The following GBE1 variants were observed in gnomAD, a reference collection of about 807,000 sequenced individuals.
GBE1 encodes the protein 1,4-alpha-glucan-branching enzyme.
GBE1 carries 70 observed loss-of-function variants against 88.8 expected under a neutral mutation model. The ratio of observed to expected loss-of-function variants is 0.79; its 90% CI spans 0.65 to 0.96. The LOEUF is 0.96. GBE1 is among the 40% of genes least tolerant of loss of function. GBE1 has a pLI of 0.00. For missense variants in GBE1, 872 were observed against 871.0 expected (o/e 1.00, Z -0.01); for synonymous variants, 284 against 300.1 (o/e 0.95, Z 0.56).
chr3:81,501,686 CTTTTTTTTTTTTTTTT>C (rs35149061), intron 14 of GBE1, among the ~76,000 whole-genome samples: 8 of 71,994 alleles, frequency 1.1e-4, no homozygotes, highest in African/African-American at 4.8e-4. Flanking sequence ...CTTAGGGGCA[CTTTTTTTTTTTTTTTT>C]TTTTTTTTTT....
chr3:81,733,576 C>G lies in GBE1; in HGVS notation c.143+27799G>C, dbSNP rs571324776. Among the ~76,000 whole-genome samples the G allele has an allele frequency of 6.6e-6, 1 of 152,184 alleles. No individual in the cohort carries two copies. The highest frequency in any genetic ancestry group is 2.1e-4 in the South Asian group (1 of 4,826). ...CTGGCCATTTCTTAGGTCTGGTACACTCTTCCACCAGACAGTGCATGACTA... is the reference window on the plus strand; with the variant it reads ...CTGGCCATTTCTTAGGTCTGGTACAGTCTTCCACCAGACAGTGCATGACTA... On this transcript the variant is annotated intron_variant, in intron 1 of 15. Coordinates refer to ENST00000429644, the MANE Select transcript of GBE1 (RefSeq NM_000158.4). The surrounding 1 kb of genome is among the most constrained non-coding windows in gnomAD (Gnocchi z 4.0).
intron 2 of GBE1, among the ~76,000 whole-genome samples, chr3:81,701,288 G>A (rs867068074): frequency 2.6e-5 from 4 of 151,944 alleles, no homozygotes; most frequent in African/African-American, 9.7e-5. Context: ...GTTTAAAAAC[G>A]ACTGGACGAA....
intron 9 of GBE1, 118 bp downstream of exon 9, chr3:81,590,919 G>A (rs1051110120): frequency 2.0e-5 from 16 of 815,234 alleles, no homozygotes; most frequent in Non-Finnish European, 1.6e-5. Flanking sequence ...CTATACTCAG[G>A]GTAGAATTTC....
chr3:81,720,346 GTA>G (rs200937482), intron 1 of GBE1, among the ~76,000 whole-genome samples: 3,292 of 145,400 alleles, frequency 0.023, 144 homozygotes, highest in African/African-American at 0.083. Context: ...GTGTGTATGT[GTA>G]TGTGTGTGTG....
At position 81,700,335 on chromosome 3, in the gene GBE1, T is replaced by C. The variant is rs534507438; in HGVS notation, c.313+5109A>G. 3.3e-5 allele frequency among the ~76,000 whole-genome samples: 5 copies of C among 152,294 alleles called. No individual in the cohort carries two copies. The South Asian group carries it at 1.0e-3, about 32-fold the overall frequency. On this transcript the variant is annotated intron_variant, in intron 2 of 15. Coordinates refer to ENST00000429644, the MANE Select transcript of GBE1 (RefSeq NM_000158.4). ...AAATGATCGCTAATTTTCGTATCAG[T>C]GTTTCTCAGACTATGGTTATGTACC...
chr3:81,637,742 A>T (rs527958990), intron 7 of GBE1, among the ~76,000 whole-genome samples: 233 of 152,254 alleles, frequency 1.5e-3, no homozygotes, highest in Non-Finnish European at 2.7e-3. Context: ...TTTTTAAATA[A>T]TCTTGCTAAT....
rs149002172 is a variant in GBE1, at chr3:81,503,418, T to C, written c.1935-4191A>G. Among the ~76,000 whole-genome samples the C allele has an allele frequency of 4.8e-3, 730 of 152,104 alleles. 6 individuals carry two copies. Among genetic ancestry groups the C allele is most frequent in the African/African-American group, 0.017 (695 of 41,458 alleles). On this transcript the variant is annotated intron_variant, in intron 14 of 15. Coordinates refer to ENST00000429644, the MANE Select transcript of GBE1 (RefSeq NM_000158.4). ...ATAGTGTTTAAAATTCTTGAGAAAGTGTATCACAATAAAAAAAAAATTAAC... is the reference window on the plus strand; with the variant it reads ...ATAGTGTTTAAAATTCTTGAGAAAGCGTATCACAATAAAAAAAAAATTAAC...
chr3:81,695,698 T>G (rs967269410), intron 2 of GBE1, among the ~76,000 whole-genome samples: 17 of 152,082 alleles, frequency 1.1e-4, no homozygotes, highest in African/African-American at 4.1e-4. Flanking sequence ...AGAAATAAAA[T>G]AAATACAAAA....
chr3:81,582,788 A>T (rs1703751768), intron 10 of GBE1, among the ~76,000 whole-genome samples: 1 of 152,126 alleles, frequency 6.6e-6, no homozygotes, highest in South Asian at 2.1e-4. Context: ...TAAAAACTAT[A>T]AAACATTTAG....
chr3:81,546,699 G>T (rs551608638), intron 12 of GBE1, among the ~76,000 whole-genome samples: 1 of 151,584 alleles, frequency 6.6e-6, no homozygotes, highest in South Asian at 2.1e-4. Flanking sequence ...GTCTAAAAGT[G>T]GGAGGCATGA....
chr3:81,760,727 C>A (rs545715449), intron 1 of GBE1, among the ~76,000 whole-genome samples: 9 of 152,248 alleles, frequency 5.9e-5, no homozygotes, highest in African/African-American at 1.9e-4. Flanking sequence ...CTTTCCTGAC[C>A]TTTCTCCCTC....
chr3:81,629,184 C>T (rs1304770819), intron 7 of GBE1, among the ~76,000 whole-genome samples: 1 of 113,812 alleles, frequency 8.8e-6, no homozygotes, highest in African/African-American at 3.4e-5. Flanking sequence ...CCCCCTCCCC[C>T]GACCCCACCA....
chr3:81,728,763 C>A (rs534995325), intron 1 of GBE1, among the ~76,000 whole-genome samples: 172 of 152,226 alleles, frequency 1.1e-3, no homozygotes, highest in African/African-American at 4.0e-3. Context: ...AAATCAAATT[C>A]TAATCCCAAA....
chr3:81,490,750 G>GTAT (rs1702426473), intron 15 of GBE1, among the ~76,000 whole-genome samples: 1 of 152,066 alleles, frequency 6.6e-6, no homozygotes, highest in Non-Finnish European at 1.5e-5. Context: ...TGTTGAGGCT[G>GTAT]TATTAGGTGG....
intron 2 of GBE1, among the ~76,000 whole-genome samples, chr3:81,678,781 G>A (rs1705297180): frequency 6.6e-6 from 1 of 151,666 alleles, no homozygotes; most frequent in Non-Finnish European, 1.5e-5. Flanking sequence ...TTAAAAAGAA[G>A]AAAAAATAAG....
intron 12 of GBE1, among the ~76,000 whole-genome samples, chr3:81,545,147 T>C (rs954593980): frequency 6.6e-6 from 1 of 152,160 alleles, no homozygotes; most frequent in Admixed American, 6.5e-5. Context: ...TTCTCTGGTA[T>C]TGCAGTGAGT....
intron 11 of GBE1, 39 bp downstream of exon 11, chr3:81,581,126 G>T: frequency 8.6e-7 from 1 of 1,161,896 alleles, no homozygotes; most frequent in Non-Finnish European, 1.3e-6. Flanking sequence ...GGAAGAGAGA[G>T]AGAGAGAAAT....
intron 2 of GBE1, among the ~76,000 whole-genome samples, chr3:81,687,861 G>A (rs1182965037): frequency 3.9e-5 from 6 of 152,154 alleles, no homozygotes; most frequent in Non-Finnish European, 5.9e-5. Context: ...AGATCGAGAC[G>A]CCCCATTCAG....
At chr3:81,672,078 AAAC>A (rs1225311079) in intron 2 of GBE1, among the ~76,000 whole-genome samples, 2 of 152,074 alleles carry the variant, frequency 1.3e-5, no homozygotes, top group Admixed American at 6.6e-5. Context: ...TCACAAATTA[AAAC>A]AACAATAAGA....
Sources: allele counts gnomAD v4.1 joint callset (sites outside exome capture counted in the v4.1 genomes callset), GRCh38; gene constraint gnomAD v4.1.1; non-coding constraint Gnocchi (gnomAD v3.1); transcripts MANE v1.5; gene names NCBI Gene and HGNC (gene_info 2026-07-23, HGNC 2026-07-21).